GRM7: variants seen among roughly 807,000 people sequenced by gnomAD.
GRM7 encodes metabotropic glutamate receptor 7.
GRM7 carries 35 observed loss-of-function variants against 84.5 expected under a neutral mutation model. The observed-to-expected ratio is 0.41, with a 90% CI of 0.32 to 0.55. GRM7 has a LOEUF of 0.55. GRM7 is among the 20% of genes least tolerant of loss of function. The pLI is 0.19. For synonymous variants in GRM7, 487 were observed against 455.1 expected (o/e 1.07, Z -0.89); for missense variants, 1,003 against 1,194.6 (o/e 0.84, Z 2.36).
chr3:7,024,992 A>G (rs1559391281), intron 1 of GRM7, among the ~76,000 whole-genome samples: 1 of 152,166 alleles, frequency 6.6e-6, no homozygotes, highest in Non-Finnish European at 1.5e-5. Flanking sequence ...CAGTGTTCCA[A>G]TCTGGACACT....
At chr3:7,428,665 A>G (rs924105592) in intron 5 of GRM7, among the ~76,000 whole-genome samples, 7 of 152,154 alleles carry the variant, frequency 4.6e-5, no homozygotes, top group Admixed American at 1.3e-4. Context: ...AAGGTGTCCA[A>G]TAACTACTTG....
At chr3:6,978,186 G>A (rs79496753) in intron 1 of GRM7, among the ~76,000 whole-genome samples, 7,364 of 152,168 alleles carry the variant, frequency 0.048, 615 homozygotes, top group African/African-American at 0.17. Context: ...TACAGCAGAA[G>A]AGACACAGAG....
chr3:7,557,504 G>A lies in GRM7; in HGVS notation c.1516-20918G>A, dbSNP rs555234049. Among the ~76,000 whole-genome samples, 5 of 152,270 alleles carry A rather than the reference G, an allele frequency of 3.3e-5. No individual in the cohort carries two copies. The East Asian group carries it at 9.7e-4, about 29-fold the overall frequency. ...GAAGAAAAGAAAAATAAGTTGCCAT[G>A]TATTTATCATCCTCCATGTTTTGAG... On this transcript the variant is annotated intron_variant, in intron 7 of 9. Coordinates refer to ENST00000357716, the MANE Select transcript of GRM7 (RefSeq NM_000844.4).
intron 2 of GRM7, among the ~76,000 whole-genome samples, chr3:7,238,401 C>T (rs958657234): frequency 6.6e-6 from 1 of 152,110 alleles, no homozygotes; most frequent in African/African-American, 2.4e-5. Context: ...TCAGAGAAGG[C>T]TTCTCTGTTC....
intron 1 of GRM7, among the ~76,000 whole-genome samples, chr3:6,937,768 T>C (rs1360972180): frequency 1.3e-5 from 2 of 152,150 alleles, no homozygotes; most frequent in African/African-American, 4.8e-5. Flanking sequence ...AACAAGGAGG[T>C]GTAATTTCTA....
intron 6 of GRM7, among the ~76,000 whole-genome samples, chr3:7,460,701 G>A (rs545824004): frequency 3.9e-5 from 6 of 152,180 alleles, no homozygotes; most frequent in South Asian, 2.1e-4. Flanking sequence ...TTTGTGATTC[G>A]TTTGTAACTA....
intron 1 of GRM7, among the ~76,000 whole-genome samples, chr3:6,986,871 G>A (rs1379106544): frequency 1.3e-5 from 2 of 152,150 alleles, no homozygotes; most frequent in Non-Finnish European, 1.5e-5. Context: ...GATGAATCTG[G>A]TCATCTCTAT....
intron 8 of GRM7, among the ~76,000 whole-genome samples, chr3:7,655,710 G>A (rs937872395): frequency 2.0e-5 from 3 of 152,084 alleles, no homozygotes; most frequent in Non-Finnish European, 4.4e-5. Context: ...GCTCCTAGAC[G>A]CTGAGGGTTT....
intron 4 of GRM7, among the ~76,000 whole-genome samples, chr3:7,332,866 G>T (rs1701262728): frequency 6.6e-6 from 1 of 151,772 alleles, no homozygotes; most frequent in Admixed American, 6.6e-5. Context: ...TGGATGGATG[G>T]TTTTTTCTAC....
chr3:7,501,485 A>G (rs1411937065), intron 7 of GRM7, among the ~76,000 whole-genome samples: 2 of 152,220 alleles, frequency 1.3e-5, no homozygotes, highest in East Asian at 1.9e-4. Context: ...TTAATGGACA[A>G]TAGCCATCTG....
intron 5 of GRM7, among the ~76,000 whole-genome samples, chr3:7,431,586 T>C (rs1178289727): frequency 6.6e-6 from 1 of 152,202 alleles, no homozygotes; most frequent in African/African-American, 2.4e-5. Context: ...TAGCCACTTG[T>C]TATCTGTATA....
At chr3:7,501,207 T>G (rs1699871791) in intron 7 of GRM7, among the ~76,000 whole-genome samples, 1 of 152,214 alleles carries the variant, frequency 6.6e-6, no homozygotes, top group Admixed American at 6.5e-5. Context: ...GATAATATCA[T>G]TATCCTCATT....
intron 5 of GRM7, among the ~76,000 whole-genome samples, chr3:7,451,509 A>G (rs1271985068): frequency 6.6e-6 from 1 of 152,158 alleles, no homozygotes; most frequent in Non-Finnish European, 1.5e-5. Flanking sequence ...AACAGCAACA[A>G]TAGTCACACC....
At chr3:7,512,983 C>T (rs1278864978) in intron 7 of GRM7, among the ~76,000 whole-genome samples, 1 of 152,016 alleles carries the variant, frequency 6.6e-6, no homozygotes, top group African/African-American at 2.4e-5. Context: ...TTTAATTGTC[C>T]CAAATGGAAC....
At chr3:7,163,573 ATAAG>A (rs766461082) in intron 2 of GRM7, among the ~76,000 whole-genome samples, 5 of 152,234 alleles carry the variant, frequency 3.3e-5, no homozygotes, top group African/African-American at 9.6e-5. Flanking sequence ...AAGACAATAA[ATAAG>A]TAAGTGAATA....
At chr3:7,731,189 A>C (rs556237529) in intron 9 of GRM7, among the ~76,000 whole-genome samples, 1 of 152,116 alleles carries the variant, frequency 6.6e-6, no homozygotes, top group Non-Finnish European at 1.5e-5. Flanking sequence ...GTTTAGATGC[A>C]AAAAGAGGGG....
At chr3:7,320,039 C>T (rs1217192561) in intron 4 of GRM7, among the ~76,000 whole-genome samples, 1 of 151,924 alleles carries the variant, frequency 6.6e-6, no homozygotes, top group Admixed American at 6.6e-5. Flanking sequence ...TTACTGTTGA[C>T]TTATCTTTCA....
In GRM7 at chr3:7,378,060, G is replaced by A. The variant is rs527699784; in HGVS notation, c.1034-36963G>A. ...TCCCAATTCATGTAGTTTTATTGGA[G>A]CTGACTCTAATCTCATTTCTAGACA... On this transcript the variant is annotated intron_variant, in intron 4 of 9. Transcript: ENST00000357716. Among the ~76,000 whole-genome samples, 4 of 152,260 alleles carry A rather than the reference G, an allele frequency of 2.6e-5. No individual in the cohort carries two copies. The South Asian group carries it at 8.3e-4, about 32-fold the overall frequency.
At chr3:7,417,597 A>C (rs1288546748) in intron 5 of GRM7, among the ~76,000 whole-genome samples, 3 of 152,166 alleles carry the variant, frequency 2.0e-5, no homozygotes, top group African/African-American at 7.2e-5. Context: ...CTAGCTGAGT[A>C]GTCTGACACT....
Sources: allele counts gnomAD v4.1 joint callset (sites outside exome capture counted in the v4.1 genomes callset), GRCh38; gene constraint gnomAD v4.1.1; transcripts MANE v1.5; gene names NCBI Gene and HGNC (gene_info 2026-07-23, HGNC 2026-07-21).